The following RREB1 variants were observed in gnomAD, a reference collection of about 807,000 sequenced individuals.
RREB1 encodes ras responsive element binding protein 1, also known as ras-responsive element-binding protein 1.
RREB1 carries 27 observed loss-of-function variants against 117.8 expected under a neutral mutation model. That is an observed-to-expected ratio of 0.23 (90% CI 0.17 to 0.32). RREB1 has a LOEUF of 0.32. RREB1 is among the 10% of genes least tolerant of loss of function. The probability of loss-of-function intolerance (pLI) is 1.00; values close to 1 mark genes in which losing one functional copy is unlikely to be tolerated. For missense variants in RREB1, 2,577 were observed against 2,378.2 expected, an observed-to-expected ratio of 1.08 and a Z score of -1.74; for synonymous variants, 1,298 against 1,026.7, an observed-to-expected ratio of 1.26 and a Z score of -5.05.
At chr6:7,221,374 T>A (rs1476182731) in intron 8 of RREB1, among the ~76,000 whole-genome samples, 1 of 151,988 alleles carries the variant, frequency 6.6e-6, no homozygotes, top group Non-Finnish European at 1.5e-5. Context: ...GGGTTTCACC[T>A]TGTTAGCCAG....
chr6:7,147,854 GAAAA>G (rs78572202), intron 1 of RREB1, among the ~76,000 whole-genome samples: 1 of 138,904 alleles, frequency 7.2e-6, no homozygotes, highest in Non-Finnish European at 1.6e-5. Context: ...GTGAGTTCAG[GAAAA>G]AAAAAAAAAA....
intron 1 of RREB1, among the ~76,000 whole-genome samples, chr6:7,117,023 G>A (rs926773555): frequency 6.6e-6 from 1 of 152,144 alleles, no homozygotes; most frequent in South Asian, 2.1e-4. Flanking sequence ...GTGTTGGTCT[G>A]TGTATAATTT....
At position 7,243,995 on chromosome 6, in the gene RREB1, C is replaced by T. The variant is rs530091727; in HGVS notation, c.3974-2429C>T. On this transcript the variant is annotated intron_variant, in intron 11 of 12. Transcript: ENST00000379938. ...AAAAATTACCAGTCGGGCGTGGTGG[C>T]GCATGCCTGTAATCCTAGCCCTTTT... Among the ~76,000 whole-genome samples the T allele has an allele frequency of 4.6e-5, 7 of 152,126 alleles. No homozygotes were observed. In the East Asian group the frequency reaches 5.8e-4, roughly 13 times the overall value.
chr6:7,226,988 G>A (rs993392940), intron 9 of RREB1, among the ~76,000 whole-genome samples: 7 of 152,170 alleles, frequency 4.6e-5, no homozygotes, highest in African/African-American at 1.4e-4. Flanking sequence ...CACCTGTAAC[G>A]CCAGCACTTT....
At chr6:7,119,551 C>T (rs1364837373) in intron 1 of RREB1, among the ~76,000 whole-genome samples, 1 of 152,066 alleles carries the variant, frequency 6.6e-6, no homozygotes, top group African/African-American at 2.4e-5. Context: ...CGTCAGAAAA[C>T]GGCTTGTACA....
chr6:7,173,513 A>C (rs1265698840), intron 1 of RREB1, among the ~76,000 whole-genome samples: 1 of 151,938 alleles, frequency 6.6e-6, no homozygotes, highest in Non-Finnish European at 1.5e-5. Context: ...AGAAAAAAAA[A>C]AAAAAGAACT....
At chr6:7,234,608 C>T (rs750056983) in intron 10 of RREB1, among the ~76,000 whole-genome samples, 1 of 152,190 alleles carries the variant, frequency 6.6e-6, no homozygotes, top group Non-Finnish European at 1.5e-5. Context: ...TAAATATAAA[C>T]ATTCTGCCTC....
chr6:7,130,842 T>G (rs1036171221), intron 1 of RREB1, among the ~76,000 whole-genome samples: 1 of 151,850 alleles, frequency 6.6e-6, no homozygotes, highest in South Asian at 2.1e-4. Flanking sequence ...GTCTCAAACT[T>G]CTGACCTCAT....
In RREB1 at chr6:7,177,218, CAAAAA is replaced by C. The variant is rs552706086; in HGVS notation, c.-166+465_-166+469del. ...TGGGCAATAGAGTGAGACTGTCTCA[CAAAAA>C]AAAAAAAAAAAAAAAAAAAGGAGGA... On this transcript the variant is annotated intron_variant, in intron 2 of 12. Transcript: ENST00000379938. 3.9e-3 allele frequency among the ~76,000 whole-genome samples: 135 copies of C among 34,914 alleles called. 1 individual carries two copies. Among genetic ancestry groups the C allele is most frequent in the Non-Finnish European group, 6.6e-3 (103 of 15,692 alleles). The allele number at this position is 34,914 out of a possible 152,430, so 22.9% of individuals were successfully genotyped here.
intron 11 of RREB1, among the ~76,000 whole-genome samples, chr6:7,242,978 C>T (rs1427866533): frequency 6.6e-6 from 1 of 152,186 alleles, no homozygotes; most frequent in African/African-American, 2.4e-5. Flanking sequence ...AGGGATATGC[C>T]CTTGGTCCTT....
intron 6 of RREB1, among the ~76,000 whole-genome samples, chr6:7,193,076 C>G (rs1293292974): frequency 2.6e-5 from 4 of 152,212 alleles, no homozygotes; most frequent in African/African-American, 9.6e-5. Flanking sequence ...TCAGTTTTCA[C>G]AAATTTGTGA....
At position 7,229,793 on chromosome 6, in the gene RREB1, C is replaced by T. The variant is rs1440514091; in HGVS notation, c.1694C>T (p.Ser565Phe). The T allele has an allele frequency of 6.2e-7, 1 of 1,609,620 alleles. No homozygotes were observed. The highest frequency in any genetic ancestry group is 8.5e-7 in the Non-Finnish European group (1 of 1,177,824). ...GCCTCCAACGCCCACCTGCTGCAGT[C>T]CAAGTCCGGGACCCAGCCCCACGCG... ...EAASNAHLLQ[S>F]KSGTQPHAAT... The change falls in exon 10 of 13, where the codon TCC becomes TTC. Residue 565 changes from serine to phenylalanine, a missense_variant. Ser to Phe is a radical substitution (Grantham distance 155). Transcript: ENST00000379938. This position sits in a 1 kb window ranked among gnomAD's most constrained non-coding sequence, Gnocchi z 4.5.
chr6:7,122,992 T>C (rs983447316), intron 1 of RREB1, among the ~76,000 whole-genome samples: 2 of 152,182 alleles, frequency 1.3e-5, no homozygotes, highest in African/African-American at 4.8e-5. Flanking sequence ...CTCTGTTGGG[T>C]AATGTGTTTT....
At chr6:7,202,635 G>C (rs1766048029) in intron 6 of RREB1, among the ~76,000 whole-genome samples, 1 of 152,206 alleles carries the variant, frequency 6.6e-6, no homozygotes, top group African/African-American at 2.4e-5. Flanking sequence ...TCCCTGCTGG[G>C]AGAGGCCAGC....
intron 1 of RREB1, among the ~76,000 whole-genome samples, chr6:7,115,985 G>A (rs1581401476): frequency 1.3e-5 from 2 of 152,110 alleles, no homozygotes; most frequent in Non-Finnish European, 2.9e-5. Context: ...CTGTTCTATC[G>A]TTTCTGACCT....
intron 1 of RREB1, among the ~76,000 whole-genome samples, chr6:7,127,207 C>A (rs910623624): frequency 6.6e-6 from 1 of 151,588 alleles, no homozygotes; most frequent in African/African-American, 2.4e-5. Context: ...CTGTTGTGAG[C>A]CATCAAATGC....
intron 1 of RREB1, among the ~76,000 whole-genome samples, chr6:7,114,206 C>G (rs745681972): frequency 1.3e-5 from 2 of 152,174 alleles, no homozygotes; most frequent in Non-Finnish European, 2.9e-5. Flanking sequence ...TCTGCAACCT[C>G]CACCTCCAGG....
chr6:7,184,210 C>T (rs933511395), intron 4 of RREB1, among the ~76,000 whole-genome samples: 31 of 151,978 alleles, frequency 2.0e-4, no homozygotes, highest in Non-Finnish European at 3.8e-4. Context: ...CAGAATTCTC[C>T]AGGAGGGCCT....
At chr6:7,136,040 A>C (rs1028201654) in intron 1 of RREB1, among the ~76,000 whole-genome samples, 2 of 152,192 alleles carry the variant, frequency 1.3e-5, no homozygotes, top group African/African-American at 4.8e-5. Context: ...TACCTCCTCC[A>C]ACTGTTGGTC....
Sources: gnomAD v4.1 joint callset for allele counts (sites outside exome capture counted in the v4.1 genomes callset) on GRCh38, gnomAD v4.1.1 for gene constraint, Gnocchi (gnomAD v3.1) non-coding constraint, MANE v1.5 for transcripts, NCBI Gene and HGNC (gene_info 2026-07-23, HGNC 2026-07-21) for gene names.